Variants in STRN3 observed in about 807,000 individuals in gnomAD.
STRN3 encodes the protein striatin-3.
In STRN3, 29 loss-of-function variants were observed where a neutral mutation model predicts 95.6. The ratio of observed to expected loss-of-function variants is 0.30; its 90% CI spans 0.23 to 0.41. STRN3 has a LOEUF of 0.41. Among genes scored for constraint, STRN3 ranks in the 10% least tolerant of loss-of-function variants. The probability of loss-of-function intolerance (pLI) is 1.00; values close to 1 mark genes in which losing one functional copy is unlikely to be tolerated. For missense variants in STRN3, 890 were observed against 972.1 expected (o/e 0.92, Z 1.12); for synonymous variants, 331 against 357.6 (o/e 0.93, Z 0.84).
rs549050130 is a variant in STRN3, at chr14:30,959,123, T to C, written c.283-2881A>G. 5.1e-4 allele frequency among the ~76,000 whole-genome samples: 78 copies of C among 152,294 alleles called. 1 individual carries two copies. The South Asian group carries it at 0.016, about 32-fold the overall frequency. Reference sequence around the variant, plus strand: ...AGGAGATCACTTAAGACCAGGAGTTTGAGACCAGCCTGGCCAACACAGCAA... The same window carrying C: ...AGGAGATCACTTAAGACCAGGAGTTCGAGACCAGCCTGGCCAACACAGCAA... On this transcript the variant is annotated intron_variant, in intron 1 of 17. Coordinates refer to ENST00000357479, the MANE Select transcript of STRN3 (RefSeq NM_001083893.2).
At position 30,947,200 on chromosome 14, in the gene STRN3, T is replaced by A. The variant is rs533234724; in HGVS notation, c.606A>T (p.Ser202=). The A allele has an allele frequency of 1.9e-6, 3 of 1,613,008 alleles. No homozygotes were observed. Among genetic ancestry groups the A allele is most frequent in the Non-Finnish European group, 2.5e-6 (3 of 1,179,330 alleles). The change falls in exon 5 of 18, where the codon TCA becomes TCT. Residue 202 remains serine, a synonymous_variant. Coordinates refer to ENST00000357479, the MANE Select transcript of STRN3 (RefSeq NM_001083893.2). ...ILDVRSQRVR[S]LLGLSNSEPN... Reference sequence around the variant, plus strand: ...GTTCTGAATTAGATAGTCCAAGTAATGACCTTACCCGCTGAGACCGTACAT... The same window carrying A: ...GTTCTGAATTAGATAGTCCAAGTAAAGACCTTACCCGCTGAGACCGTACAT...
intron 10 of STRN3, among the ~76,000 whole-genome samples, chr14:30,912,565 T>C (rs898167933): frequency 6.6e-5 from 10 of 152,202 alleles, no homozygotes; most frequent in African/African-American, 1.7e-4. Context: ...AACAGTAAAG[T>C]TGTCATTTAG....
intron 16 of STRN3, among the ~76,000 whole-genome samples, chr14:30,899,933 G>A (rs1253648490): frequency 6.6e-6 from 1 of 152,034 alleles, no homozygotes; most frequent in Non-Finnish European, 1.5e-5. Flanking sequence ...AGATATAAAA[G>A]CTCAATAAAT....
intron 1 of STRN3, among the ~76,000 whole-genome samples, chr14:30,965,952 G>A (rs541972442): frequency 1.3e-5 from 2 of 151,534 alleles, no homozygotes; most frequent in African/African-American, 4.8e-5. Context: ...AATCTTTTTC[G>A]ATTACCCACT....
At chr14:30,907,186 G>T in intron 13 of STRN3, 142 bp from the exon 14 acceptor site, 1 of 866,690 alleles carries the variant, frequency 1.2e-6, no homozygotes, top group Non-Finnish European at 1.7e-6. Context: ...GTACATAGTG[G>T]CTATATCTAA....
chr14:31,014,883 A>G (rs1307296266), intron 1 of STRN3: 1 of 381,928 alleles, frequency 2.6e-6, no homozygotes, highest in Non-Finnish European at 4.9e-6. Context: ...GCTAAAGTAC[A>G]ATGGTGCAAT....
At chr14:30,905,591 A>C in intron 14 of STRN3, 33 bp from the exon 15 acceptor site, 1 of 1,558,902 alleles carries the variant, frequency 6.4e-7, no homozygotes, top group Non-Finnish European at 8.6e-7. Flanking sequence ...CAATGTAAAC[A>C]AAGTAAAATT....
chr14:30,941,250 C>G (rs1410467294), intron 5 of STRN3, among the ~76,000 whole-genome samples: 3 of 152,206 alleles, frequency 2.0e-5, no homozygotes, highest in Non-Finnish European at 4.4e-5. Flanking sequence ...TATCTCTTGT[C>G]AAGCTGCTGA....
chr14:30,944,334 G>A (rs918601796), intron 5 of STRN3, among the ~76,000 whole-genome samples: 2 of 151,636 alleles, frequency 1.3e-5, no homozygotes, highest in Non-Finnish European at 2.9e-5. Context: ...TGAAATCACA[G>A]TATAGAAAAT....
intron 1 of STRN3, among the ~76,000 whole-genome samples, chr14:30,970,473 G>A (rs2139193054): frequency 6.6e-6 from 1 of 152,302 alleles, no homozygotes; most frequent in Middle Eastern, 3.4e-3. Flanking sequence ...CCAGCTGTCA[G>A]CTAAACCAAT....
intron 5 of STRN3, among the ~76,000 whole-genome samples, chr14:30,942,538 A>C (rs527729561): frequency 2.0e-5 from 3 of 152,336 alleles, no homozygotes; most frequent in East Asian, 1.9e-4. Flanking sequence ...TGAGATTCCA[A>C]ACACGGTTAA....
intron 1 of STRN3, among the ~76,000 whole-genome samples, chr14:31,005,800 T>C (rs770561447): frequency 8.6e-5 from 13 of 150,388 alleles, no homozygotes; most frequent in East Asian, 1.9e-4. Context: ...ATCTGGAGAG[T>C]TGGATAACCA....
intron 15 of STRN3, among the ~76,000 whole-genome samples, chr14:30,903,372 C>A (rs1594412651): frequency 6.6e-6 from 1 of 152,104 alleles, no homozygotes; most frequent in Non-Finnish European, 1.5e-5. Flanking sequence ...CTGACCATGG[C>A]ACCATGTAAA....
At chr14:30,995,789 C>A (rs1211706194) in intron 1 of STRN3, among the ~76,000 whole-genome samples, 1 of 152,206 alleles carries the variant, frequency 6.6e-6, no homozygotes, top group Admixed American at 6.5e-5. Context: ...GAAAAACTCA[C>A]ACGAGGCTAC....
intron 13 of STRN3, among the ~76,000 whole-genome samples, chr14:30,909,481 AAGAGAG>A (rs148536106): frequency 6.6e-6 from 1 of 150,678 alleles, no homozygotes; most frequent in African/African-American, 2.4e-5. Context: ...CCAAAAAAGA[AAGAGAG>A]AGAGAGAGAG....
chr14:31,000,547 T>C (rs1594564728), intron 1 of STRN3, among the ~76,000 whole-genome samples: 2 of 149,372 alleles, frequency 1.3e-5, no homozygotes, highest in African/African-American at 2.5e-5. Context: ...TTTTAAATGG[T>C]ACCCAGGAAA....
chr14:30,896,350 G>T (rs1251369145), intron 16 of STRN3, among the ~76,000 whole-genome samples: 2 of 152,170 alleles, frequency 1.3e-5, no homozygotes, highest in Non-Finnish European at 2.9e-5. Context: ...AATTAAATAA[G>T]CCAAGTGTGG....
At chr14:30,958,564 T>C (rs960883347) in intron 1 of STRN3, among the ~76,000 whole-genome samples, 9 of 152,210 alleles carry the variant, frequency 5.9e-5, no homozygotes, top group African/African-American at 1.9e-4. Flanking sequence ...TTGTTGTTGT[T>C]GTTTTTAAAA....
At chr14:30,937,575 G>A (rs545160044) in intron 5 of STRN3, among the ~76,000 whole-genome samples, 9 of 152,080 alleles carry the variant, frequency 5.9e-5, no homozygotes, top group Non-Finnish European at 1.3e-4. Context: ...TTTTCATACA[G>A]TTGTTTAAGT....
Sources: gnomAD v4.1 joint callset for allele counts (sites outside exome capture counted in the v4.1 genomes callset) on GRCh38, gnomAD v4.1.1 for gene constraint, MANE v1.5 for transcripts, NCBI Gene and HGNC (gene_info 2026-07-23, HGNC 2026-07-21) for gene names.